Variants in FLT1 observed in about 807,000 individuals in gnomAD.
FLT1 encodes the protein vascular endothelial growth factor receptor 1.
FLT1 carries 49 observed loss-of-function variants against 156.3 expected under a neutral mutation model. The ratio of observed to expected loss-of-function variants is 0.31; its 90% CI spans 0.25 to 0.40. The LOEUF (loss-of-function observed/expected upper bound fraction) is 0.40, where lower values mean the gene tolerates loss of function less well. Among genes scored for constraint, FLT1 ranks in the 10% least tolerant of loss-of-function variants. The probability of loss-of-function intolerance (pLI) is 1.00; values close to 1 mark genes in which losing one functional copy is unlikely to be tolerated. For synonymous variants in FLT1, 594 were observed against 583.8 expected (o/e 1.02, Z -0.25); for missense variants, 1,322 against 1,637.2 (o/e 0.81, Z 3.32).
intron 15 of FLT1, among the ~76,000 whole-genome samples, chr13:28,347,422 G>A (rs1872605255): frequency 6.6e-6 from 1 of 152,164 alleles, no homozygotes; most frequent in Non-Finnish European, 1.5e-5. Flanking sequence ...TCGGTAGTCT[G>A]AAGCAGGAGA....
At chr13:28,396,902 AGACTG>A in intron 12 of FLT1, 53 bp downstream of exon 12, 1 of 1,016,394 alleles carries the variant, frequency 9.8e-7, no homozygotes. Flanking sequence ...AAAGCAAACA[AGACTG>A]AAGAGAGAAT....
chr13:28,480,465 T>G (rs901336429), intron 1 of FLT1, among the ~76,000 whole-genome samples: 1 of 152,198 alleles, frequency 6.6e-6, no homozygotes, highest in South Asian at 2.1e-4. Context: ...TGTGTTATCA[T>G]GGGGAAGTGC....
chr13:28,390,146 A>G, intron 12 of FLT1, 42 bp from the exon 13 acceptor site: 3 of 1,600,824 alleles, frequency 1.9e-6, no homozygotes, highest in Non-Finnish European at 2.6e-6. Context: ...CAGAAAAATC[A>G]GTGTCTTTTA....
At chr13:28,447,896 TGAA>T (rs1392600748) in intron 3 of FLT1, among the ~76,000 whole-genome samples, 4 of 151,624 alleles carry the variant, frequency 2.6e-5, no homozygotes, top group South Asian at 4.1e-4. Context: ...AATAAAAAGT[TGAA>T]GAACTCTTAC....
At chr13:28,478,055 C>T (rs1880648671) in intron 1 of FLT1, among the ~76,000 whole-genome samples, 1 of 152,170 alleles carries the variant, frequency 6.6e-6, no homozygotes, top group Non-Finnish European at 1.5e-5. Flanking sequence ...ATCATAGTGT[C>T]TGATCAGTGA....
intron 3 of FLT1, among the ~76,000 whole-genome samples, chr13:28,457,114 T>C (rs1349464265): frequency 6.6e-6 from 1 of 151,714 alleles, no homozygotes; most frequent in Non-Finnish European, 1.5e-5. Flanking sequence ...ATATAGGAAA[T>C]CTCTGTACCT....
chr13:28,390,863 C>T (rs1874669225), intron 12 of FLT1, among the ~76,000 whole-genome samples: 1 of 152,188 alleles, frequency 6.6e-6, no homozygotes, highest in Admixed American at 6.5e-5. Context: ...ATAGGAAGTC[C>T]TAGGTAAAGT....
At chr13:28,370,189 G>GA (rs879628173) in intron 14 of FLT1, among the ~76,000 whole-genome samples, 100 of 137,100 alleles carry the variant, frequency 7.3e-4, no homozygotes, top group East Asian at 1.1e-3. Context: ...GTCTCAAAAA[G>GA]AAAAAAAAAA....
intron 14 of FLT1, among the ~76,000 whole-genome samples, chr13:28,372,046 GTGTA>G (rs1390494553): frequency 3.5e-5 from 2 of 56,806 alleles, no homozygotes; most frequent in African/African-American, 1.6e-4. Context: ...GTGTGTGTGT[GTGTA>G]TATATATATA....
At chr13:28,440,848 T>A (rs538167930) in intron 3 of FLT1, among the ~76,000 whole-genome samples, 1 of 152,278 alleles carries the variant, frequency 6.6e-6, no homozygotes, top group Admixed American at 6.5e-5. Flanking sequence ...TTCTTATTAT[T>A]ATTATGACTC....
intron 13 of FLT1, chr13:28,387,622 G>C (rs567683352): frequency 7.5e-6 from 8 of 1,064,690 alleles, no homozygotes; most frequent in Non-Finnish European, 9.1e-6. Flanking sequence ...TCTATCCTCC[G>C]TTTGGAATGG....
chr13:28,460,786 G>A (rs191819420), intron 3 of FLT1, among the ~76,000 whole-genome samples: 68 of 140,404 alleles, frequency 4.8e-4, no homozygotes, highest in Non-Finnish European at 6.4e-4. Context: ...TACATTTTAC[G>A]TCAGACCCAT....
chr13:28,477,942 C>T (rs1167261195), intron 1 of FLT1, among the ~76,000 whole-genome samples: 1 of 152,218 alleles, frequency 6.6e-6, no homozygotes, highest in African/African-American at 2.4e-5. Flanking sequence ...TCAATAAACA[C>T]ACTCAATGTA....
intron 15 of FLT1, among the ~76,000 whole-genome samples, chr13:28,355,340 G>A (rs982311372): frequency 5.3e-5 from 8 of 152,154 alleles, no homozygotes; most frequent in African/African-American, 1.7e-4. Flanking sequence ...CCAGCACAGC[G>A]CCTGCACATA....
chr13:28,397,877 T>C (rs936840179), intron 11 of FLT1, among the ~76,000 whole-genome samples: 4 of 152,060 alleles, frequency 2.6e-5, no homozygotes, highest in African/African-American at 7.3e-5. Flanking sequence ...AATGCAATTA[T>C]ATTGTTCCAC....
chr13:28,368,566 T>G, intron 14 of FLT1: 8 of 1,508,626 alleles, frequency 5.3e-6, no homozygotes, highest in Non-Finnish European at 7.2e-6. Flanking sequence ...ATGATGATGA[T>G]AATGATGATA....
At chr13:28,338,768 A>T (rs1321399149) in intron 17 of FLT1, among the ~76,000 whole-genome samples, 1 of 152,044 alleles carries the variant, frequency 6.6e-6, no homozygotes, top group Non-Finnish European at 1.5e-5. Flanking sequence ...CATATTTCTA[A>T]TCCCTCAACA....
chr13:28,341,273 A>G (rs1346851042), intron 16 of FLT1, among the ~76,000 whole-genome samples: 1 of 152,200 alleles, frequency 6.6e-6, no homozygotes, highest in Non-Finnish European at 1.5e-5. Context: ...TGATAGTAAA[A>G]TGTTAGTTGG....
intron 15 of FLT1, among the ~76,000 whole-genome samples, chr13:28,348,130 T>C (rs1872624969): frequency 6.6e-6 from 1 of 152,178 alleles, no homozygotes; most frequent in Non-Finnish European, 1.5e-5. Context: ...CCTTGGATCA[T>C]TAAATTATCA....
Sources: gnomAD v4.1 joint callset for allele counts (sites outside exome capture counted in the v4.1 genomes callset) on GRCh38, gnomAD v4.1.1 for gene constraint, MANE v1.5 for transcripts, NCBI Gene and HGNC (gene_info 2026-07-23, HGNC 2026-07-21) for gene names.